FMN2: variants seen among roughly 807,000 people sequenced by gnomAD.
The protein encoded by FMN2 is formin 2, also known as formin-2.
A neutral mutation model predicts 142.3 loss-of-function variants in FMN2; 51 were observed. The ratio of observed to expected loss-of-function variants is 0.36; its 90% confidence interval spans 0.29 to 0.45. The LOEUF (loss-of-function observed/expected upper bound fraction) is 0.45. Ranked by LOEUF, FMN2 falls within the 20% of genes least tolerant of loss-of-function variation. The pLI is 1.00. For missense variants in FMN2, 1,936 were observed against 2,122.8 expected, an observed-to-expected ratio of 0.91 and a Z score of 1.73; for synonymous variants, 882 against 869.8, an observed-to-expected ratio of 1.01 and a Z score of -0.25.
chr1:240,262,121 C>T (rs1289181992), intron 7 of FMN2, among the ~76,000 whole-genome samples: 1 of 151,692 alleles, frequency 6.6e-6, no homozygotes, highest in Admixed American at 6.6e-5. Context: ...GGTACATGTG[C>T]ACAACCAGTA....
chr1:240,231,510 T>G (rs1326060893), intron 6 of FMN2, among the ~76,000 whole-genome samples: 17 of 152,334 alleles, frequency 1.1e-4, no homozygotes, highest in Admixed American at 8.5e-4. Flanking sequence ...TACCATCGGC[T>G]AAATTAGAAT....
At chr1:240,094,228 G>GT (rs1661120465) in intron 1 of FMN2, among the ~76,000 whole-genome samples, 2 of 152,270 alleles carry the variant, frequency 1.3e-5, no homozygotes, top group South Asian at 4.1e-4. Flanking sequence ...TCCACGTTTG[G>GT]TATGTATGTG....
rs34534422 is a variant in FMN2 at position 240,427,171 on chromosome 1, T to TTATATATATATATATA, written c.4911-10884_4911-10869dup. ...TAGTTCATGTATGTTACAACTGATT[T>TTATATATATATATATA]TATATATATATATATATATATGGTT... On this transcript the variant is annotated intron_variant, in intron 15 of 17. Transcript: ENST00000319653. Among the ~76,000 whole-genome samples the TTATATATATATATATA allele has an allele frequency of 2.9e-5, 4 of 136,890 alleles. No individual in the cohort carries two copies. In the East Asian group the frequency reaches 6.1e-4, roughly 21 times the overall value. The allele number at this position is 136,890 out of a possible 152,430, so 89.8% of individuals were successfully genotyped here. A position where few individuals can be genotyped will look rare whatever the true frequency, so the allele number is the denominator to read the frequency against.
chr1:240,352,078 A>G (rs1047364112), intron 13 of FMN2, among the ~76,000 whole-genome samples: 5 of 152,206 alleles, frequency 3.3e-5, no homozygotes, highest in Admixed American at 1.3e-4. Context: ...GTGAGAGATT[A>G]GATTTTTTTT....
intron 14 of FMN2, among the ~76,000 whole-genome samples, chr1:240,361,742 G>A (rs1672491440): frequency 6.6e-6 from 1 of 152,180 alleles, no homozygotes; most frequent in African/African-American, 2.4e-5. Context: ...GCTGAACTTG[G>A]CATAGAGATC....
intron 1 of FMN2, among the ~76,000 whole-genome samples, chr1:240,111,471 A>C (rs1661804380): frequency 6.6e-6 from 1 of 152,110 alleles, no homozygotes; most frequent in South Asian, 2.1e-4. Context: ...CAAGGGGTGA[A>C]TTATCCATGC....
At chr1:240,309,977 T>C (rs1366728623) in intron 8 of FMN2, among the ~76,000 whole-genome samples, 1 of 152,198 alleles carries the variant, frequency 6.6e-6, no homozygotes, top group Non-Finnish European at 1.5e-5. Flanking sequence ...TAGACTTGGC[T>C]TGAGTCCTCT....
chr1:240,353,159 T>A (rs1397978073), intron 13 of FMN2, among the ~76,000 whole-genome samples: 1 of 152,230 alleles, frequency 6.6e-6, no homozygotes, highest in Non-Finnish European at 1.5e-5. Flanking sequence ...CTGTATTTTA[T>A]CTTACACTTC....
At chr1:240,260,356 T>C (rs1413776646) in intron 7 of FMN2, among the ~76,000 whole-genome samples, 1 of 152,228 alleles carries the variant, frequency 6.6e-6, no homozygotes, top group Non-Finnish European at 1.5e-5. Flanking sequence ...TGTACTGGTT[T>C]ACATTCCCAC....
intron 6 of FMN2, among the ~76,000 whole-genome samples, chr1:240,234,448 A>C (rs1470982449): frequency 2.0e-5 from 3 of 152,228 alleles, no homozygotes; most frequent in Admixed American, 6.5e-5. Context: ...AGGCCTTGGA[A>C]GGGTGAGTGC....
At chr1:240,218,892 A>G (rs192838471) in intron 6 of FMN2, among the ~76,000 whole-genome samples, 1 of 152,294 alleles carries the variant, frequency 6.6e-6, no homozygotes, top group East Asian at 1.9e-4. Context: ...TTCAGGTTCC[A>G]TGCTATATAC....
At chr1:240,127,126 T>C (rs535916601) in intron 2 of FMN2, among the ~76,000 whole-genome samples, 347 of 151,710 alleles carry the variant, frequency 2.3e-3, no homozygotes, top group Middle Eastern at 3.4e-3. Flanking sequence ...TATGGCTTTT[T>C]TTTTTTTTTT....
chr1:240,246,805 G>T (rs1210131098), intron 6 of FMN2, among the ~76,000 whole-genome samples: 2 of 152,172 alleles, frequency 1.3e-5, no homozygotes, highest in Non-Finnish European at 1.5e-5. Context: ...TAAGAGACGT[G>T]ACATTAAAGC....
intron 7 of FMN2, among the ~76,000 whole-genome samples, chr1:240,262,820 G>A (rs890562178): frequency 6.7e-6 from 1 of 148,380 alleles, no homozygotes; most frequent in Non-Finnish European, 1.5e-5. Flanking sequence ...TAGTTCAGTG[G>A]CGCAATCTCA....
At chr1:240,104,859 G>A (rs1415036572) in intron 1 of FMN2, among the ~76,000 whole-genome samples, 1 of 152,044 alleles carries the variant, frequency 6.6e-6, no homozygotes, top group Non-Finnish European at 1.5e-5. Context: ...GTTCAATGTG[G>A]TGTCTCTGGG....
intron 15 of FMN2, among the ~76,000 whole-genome samples, chr1:240,427,396 G>T (rs758819770): frequency 6.5e-4 from 99 of 151,884 alleles, no homozygotes; most frequent in Non-Finnish European, 1.1e-3. Flanking sequence ...TAGTAGAGAC[G>T]GGGTTTCACC....
Position 240,144,821 on chromosome 1 carries a change from A to G in FMN2, c.1782+21476A>G, listed in dbSNP as rs1174905278. On this transcript the variant is annotated intron_variant, in intron 2 of 17. Coordinates refer to ENST00000319653, the MANE Select transcript of FMN2 (RefSeq NM_020066.5). ...GGGGACGATTTCCTTCACCAGAGTG[A>G]GCAGTGGCTCCTGCTGGACCTTCTT... The G allele has an allele frequency of 1.2e-5, 17 of 1,437,814 alleles. No individual in the cohort carries two copies. In the African/African-American group the frequency reaches 2.4e-4, roughly 20 times the overall value. 89.1% of individuals were successfully genotyped at this position (1,437,814 alleles called of 1,614,324 possible).
chr1:240,099,137 T>C (rs888907361), intron 1 of FMN2, among the ~76,000 whole-genome samples: 1 of 152,028 alleles, frequency 6.6e-6, no homozygotes, highest in African/African-American at 2.4e-5. Context: ...GCCTGGTACA[T>C]GAGAGGCACT....
Position 240,170,287 on chromosome 1 carries a change from A to G in FMN2, c.1783-7634A>G, listed in dbSNP as rs1664649820. ...GGCTCGTGAAGTTTGAATCAAGATC[A>G]TTGCCACTGCAGTTTGCCATACCAA... On this transcript the variant is annotated intron_variant, in intron 2 of 17. Coordinates refer to ENST00000319653, the MANE Select transcript of FMN2 (RefSeq NM_020066.5). 6 of 1,115,234 alleles carry G rather than the reference A, an allele frequency of 5.4e-6. No homozygotes were observed. The Admixed American group carries it at 8.6e-5, about 16-fold the overall frequency. The allele number at this position is 1,115,234 out of a possible 1,614,324, so 69.1% of individuals were successfully genotyped here. A position where few individuals can be genotyped will look rare whatever the true frequency, so the allele number is the denominator to read the frequency against.
Sources: allele counts gnomAD v4.1 joint callset (sites outside exome capture counted in the v4.1 genomes callset), GRCh38; gene constraint gnomAD v4.1.1; transcripts MANE v1.5; gene names NCBI Gene and HGNC (gene_info 2026-07-23, HGNC 2026-07-21).